The following NPC1 variants were observed in gnomAD, a reference collection of about 807,000 sequenced individuals.
The protein encoded by NPC1 is NPC intracellular cholesterol transporter 1.
Under a neutral mutation model 140.4 loss-of-function variants are expected in NPC1, and 85 were observed. The observed-to-expected ratio is 0.61, with a 90% CI of 0.51 to 0.72. The LOEUF (loss-of-function observed/expected upper bound fraction) is 0.72, where lower values mean the gene tolerates loss of function less well. Ranked by LOEUF, NPC1 falls within the 30% of genes least tolerant of loss-of-function variation. The probability of loss-of-function intolerance (pLI) is 0.00; values close to 1 mark genes in which losing one functional copy is unlikely to be tolerated. For missense variants in NPC1, 1,504 were observed against 1,623.8 expected (o/e 0.93, Z 1.27); for synonymous variants, 656 against 624.8 (o/e 1.05, Z -0.74).
chr18:23,537,612 A>G (rs1691381674), intron 20 of NPC1, among the ~76,000 whole-genome samples: 1 of 152,156 alleles, frequency 6.6e-6, no homozygotes, highest in Admixed American at 6.5e-5. Flanking sequence ...GTATACCACC[A>G]CCTACTCATA....
intron 1 of NPC1, among the ~76,000 whole-genome samples, chr18:23,577,954 C>T (rs1008850081): frequency 1.3e-5 from 2 of 152,232 alleles, no homozygotes; most frequent in East Asian, 1.9e-4. Flanking sequence ...CACGCCCACC[C>T]GGAACTCCAG....
At chr18:23,530,625 T>G (rs1427500619), downstream of NPC1, 1 of 1,609,706 alleles carries the variant, frequency 6.2e-7, no homozygotes, top group East Asian at 2.2e-5. Context: ...GAGAATGCAA[T>G]GAAAAGACTT....
chr18:23,572,447 TTTTG>T (rs781108160), intron 2 of NPC1, among the ~76,000 whole-genome samples: 26 of 124,564 alleles, frequency 2.1e-4, no homozygotes, highest in African/African-American at 5.7e-4. Flanking sequence ...TCTTAGGGTT[TTTTG>T]TTTGTTTGAT....
downstream of NPC1, among the ~76,000 whole-genome samples, chr18:23,525,659 G>A (rs369963533): frequency 4.1e-4 from 63 of 152,178 alleles, no homozygotes; most frequent in South Asian, 0.013. Context: ...TCCTGACCTC[G>A]TGATCTGCCC....
chr18:23,531,714 C>A lies in NPC1; in HGVS notation c.*488G>T. The A allele has an allele frequency of 6.3e-7, 1 of 1,599,912 alleles. No individual in the cohort carries two copies. Among genetic ancestry groups the A allele is most frequent in the Non-Finnish European group, 8.5e-7 (1 of 1,176,580 alleles). ...GCCTACAACATTCTGAAATCACTTG[C>A]TGTTTTTTTATATAAAAATGTGTAC... On this transcript the variant is annotated 3_prime_UTR_variant, in exon 25 of 25. Coordinates refer to ENST00000269228, the MANE Select transcript of NPC1 (RefSeq NM_000271.5).
Position 23,532,301 on chromosome 18 carries a change from C to CTT in NPC1, c.3755-19_3755-18dup. The stretch of plus-strand genomic sequence containing the variant: ...CTGATGGCCCTATGAGAGAGAGAGA[C>CTT]TTTTTCTTATTTCTGCAGGAGAAAG... On this transcript the variant is annotated splice_polypyrimidine_tract_variant and intron_variant, in intron 24 of 24. Coordinates refer to ENST00000269228, the MANE Select transcript of NPC1 (RefSeq NM_000271.5). 1 of 1,613,594 alleles carries CTT rather than the reference C, an allele frequency of 6.2e-7. No homozygotes were observed. The highest frequency in any genetic ancestry group is 1.6e-4 in the Middle Eastern group (1 of 6,062).
chr18:23,533,591 A>C, intron 23 of NPC1, 74 bp from the exon 24 acceptor site: 1 of 1,441,116 alleles, frequency 6.9e-7, no homozygotes, highest in Non-Finnish European at 9.7e-7. Flanking sequence ...CCTTACAAGG[A>C]TTTCTCCCAG....
At chr18:23,557,386 T>A (rs1047394018) in intron 6 of NPC1, among the ~76,000 whole-genome samples, 196 bp from the exon 7 acceptor site, 1 of 152,228 alleles carries the variant, frequency 6.6e-6, no homozygotes, top group Non-Finnish European at 1.5e-5. Flanking sequence ...TTTAAGAAGA[T>A]GTTAAGAGAA....
intron 3 of NPC1, among the ~76,000 whole-genome samples, chr18:23,507,493 A>G (rs1055058470): frequency 6.6e-6 from 1 of 152,182 alleles, no homozygotes; most frequent in Non-Finnish European, 1.5e-5. Context: ...TAGCCTTTTC[A>G]TCTCTCATTT....
intron 1 of NPC1, chr18:23,576,437 C>G: frequency 1.0e-6 from 1 of 984,734 alleles, no homozygotes; most frequent in Non-Finnish European, 1.2e-6. Flanking sequence ...AAAAGTCATC[C>G]TGCCGAAAGA....
At chr18:23,553,205 G>A (rs2058899610) in intron 9 of NPC1, among the ~76,000 whole-genome samples, 1 of 152,350 alleles carries the variant, frequency 6.6e-6, no homozygotes, top group South Asian at 2.1e-4. Flanking sequence ...ACGCACCTCT[G>A]TCCCCCATCA....
At chr18:23,564,476 T>C (rs1387112944) in intron 4 of NPC1, among the ~76,000 whole-genome samples, 1 of 151,826 alleles carries the variant, frequency 6.6e-6, no homozygotes, top group Non-Finnish European at 1.5e-5. Context: ...CACAGGTACA[T>C]GCCACCATGC....
At chr18:23,571,093 G>A (rs551192860) in intron 3 of NPC1, among the ~76,000 whole-genome samples, 1 of 152,280 alleles carries the variant, frequency 6.6e-6, no homozygotes, top group South Asian at 2.1e-4. Context: ...CACCCTGCAG[G>A]GTGAGAACAT....
chr18:23,512,105 C>G (rs765920056), intron 3 of NPC1, among the ~76,000 whole-genome samples: 4 of 151,254 alleles, frequency 2.6e-5, no homozygotes, highest in Non-Finnish European at 5.9e-5. Flanking sequence ...ACGGCAACCT[C>G]CACCTCCTGG....
At chr18:23,546,542 C>CA (rs747831062) in intron 11 of NPC1, among the ~76,000 whole-genome samples, 18 of 152,138 alleles carry the variant, frequency 1.2e-4, no homozygotes, top group Non-Finnish European at 2.2e-4. Context: ...AATGAAAACT[C>CA]ACATCCACAA....
chr18:23,562,037 TCCAGCACTCTGG>T (rs2059048554), intron 4 of NPC1, among the ~76,000 whole-genome samples: 1 of 152,094 alleles, frequency 6.6e-6, no homozygotes, highest in Non-Finnish European at 1.5e-5. Flanking sequence ...CACCTGTAAT[TCCAGCACTCTGG>T]GAGGCCGAGG....
At chr18:23,571,644 AGTCT>A (rs1455465496) in intron 3 of NPC1, among the ~76,000 whole-genome samples, 3 of 118,252 alleles carry the variant, frequency 2.5e-5, no homozygotes, top group African/African-American at 1.1e-4. Flanking sequence ...ACAGAGCAAG[AGTCT>A]GTCTCAAAAA....
At chr18:23,565,004 TCA>T (rs1178819229) in intron 4 of NPC1, among the ~76,000 whole-genome samples, 1 of 152,230 alleles carries the variant, frequency 6.6e-6, no homozygotes, top group East Asian at 1.9e-4. Flanking sequence ...TTATTTATTC[TCA>T]GTTATATTCC....
At chr18:23,508,519 G>T (rs912377087) in intron 3 of NPC1, 3 of 152,534 alleles carry the variant, frequency 2.0e-5, no homozygotes, top group African/African-American at 7.2e-5. Context: ...AATGAGATTT[G>T]CTGGGTGTAG....
Sources: allele counts gnomAD v4.1 joint callset (sites outside exome capture counted in the v4.1 genomes callset), GRCh38; gene constraint gnomAD v4.1.1; transcripts MANE v1.5; gene names NCBI Gene and HGNC (gene_info 2026-07-23, HGNC 2026-07-21).